SND1: variants seen among roughly 807,000 people sequenced by gnomAD.
The protein encoded by SND1 is staphylococcal nuclease domain-containing protein 1.
In SND1, 38 loss-of-function variants were observed where a neutral mutation model predicts 121.7. That is an observed-to-expected ratio of 0.31 (90% CI 0.24 to 0.41). The LOEUF is 0.41. Ranked by LOEUF, SND1 falls within the 10% of genes least tolerant of loss-of-function variation. The pLI, the probability that SND1 is intolerant of heterozygous loss-of-function variation, is 1.00. For synonymous variants in SND1, 401 were observed against 447.4 expected (o/e 0.90, Z 1.31); for missense variants, 868 against 1,184.6 (o/e 0.73, Z 3.92).
chr7:128,071,439 C>A (rs1291583233), intron 16 of SND1, among the ~76,000 whole-genome samples: 1 of 152,168 alleles, frequency 6.6e-6, no homozygotes, highest in East Asian at 1.9e-4. Context: ...ATCTCTGTGT[C>A]TATCTTTTAA....
chr7:127,753,283 GA>G (rs915586903), intron 10 of SND1, among the ~76,000 whole-genome samples: 7 of 152,084 alleles, frequency 4.6e-5, no homozygotes, highest in African/African-American at 1.7e-4. Flanking sequence ...GATCTGAATG[GA>G]AATTTTTACC....
intron 15 of SND1, among the ~76,000 whole-genome samples, chr7:127,938,976 A>G (rs550235964): frequency 2.0e-5 from 3 of 152,334 alleles, no homozygotes; most frequent in Admixed American, 6.5e-5. Flanking sequence ...AATTGTGTCT[A>G]CTGGAGTAAA....
At chr7:127,958,007 G>A (rs548923544) in intron 15 of SND1, among the ~76,000 whole-genome samples, 2 of 152,260 alleles carry the variant, frequency 1.3e-5, no homozygotes, top group Admixed American at 6.5e-5. Context: ...CAGCCTAGCC[G>A]CAGTTAATTG....
intron 16 of SND1, among the ~76,000 whole-genome samples, chr7:128,020,800 C>T (rs2116963235): frequency 6.6e-6 from 1 of 152,222 alleles, no homozygotes; most frequent in East Asian, 1.9e-4. Flanking sequence ...CAGAATGGGC[C>T]AATGCCTTAT....
intron 16 of SND1, among the ~76,000 whole-genome samples, chr7:128,032,444 A>C (rs954002195): frequency 2.0e-5 from 3 of 151,226 alleles, no homozygotes; most frequent in African/African-American, 7.3e-5. Flanking sequence ...AGGCGTTCGC[A>C]GCTATTTTGG....
intron 10 of SND1, among the ~76,000 whole-genome samples, chr7:127,752,469 C>A (rs902306145): frequency 6.6e-6 from 1 of 152,200 alleles, no homozygotes; most frequent in Admixed American, 6.5e-5. Flanking sequence ...GGACAGGCTG[C>A]CCATCTGGAC....
chr7:127,812,949 A>G (rs1798359993), intron 11 of SND1, among the ~76,000 whole-genome samples: 1 of 152,168 alleles, frequency 6.6e-6, no homozygotes, highest in African/African-American at 2.4e-5. Flanking sequence ...TTCACCTCAT[A>G]TTAATTTGAT....
chr7:127,816,482 T>C (rs972504168), intron 11 of SND1, among the ~76,000 whole-genome samples: 1 of 152,154 alleles, frequency 6.6e-6, no homozygotes, highest in Non-Finnish European at 1.5e-5. Flanking sequence ...TCTTCTGGCT[T>C]CAACAAGTGG....
intron 2 of SND1, among the ~76,000 whole-genome samples, chr7:127,693,266 G>A (rs1384604516): frequency 6.6e-6 from 1 of 152,090 alleles, no homozygotes; most frequent in East Asian, 1.9e-4. Context: ...TTTTATTTTT[G>A]GAGATTGGGG....
chr7:127,890,168 C>T (rs1384247973), intron 13 of SND1, among the ~76,000 whole-genome samples: 1 of 152,130 alleles, frequency 6.6e-6, no homozygotes, highest in African/African-American at 2.4e-5. Context: ...GCTCCCTTTT[C>T]TCCACATCCT....
intron 16 of SND1, among the ~76,000 whole-genome samples, chr7:128,062,909 G>C (rs1793254258): frequency 6.6e-6 from 1 of 152,206 alleles, no homozygotes; most frequent in Admixed American, 6.5e-5. Flanking sequence ...GAGGGCTCGA[G>C]ACCAGCACCT....
intron 15 of SND1, among the ~76,000 whole-genome samples, chr7:127,945,900 C>G (rs937764070): frequency 2.3e-4 from 35 of 152,218 alleles, no homozygotes; most frequent in Middle Eastern, 3.2e-3. Context: ...AACTCACTTA[C>G]TAAATAAATA....
At chr7:127,834,252 A>AT (rs1798824510) in intron 11 of SND1, among the ~76,000 whole-genome samples, 1 of 152,112 alleles carries the variant, frequency 6.6e-6, no homozygotes, top group Non-Finnish European at 1.5e-5. Flanking sequence ...TCTATTTTTA[A>AT]TTTTTTTGGA....
chr7:127,704,240 T>A (rs1272569044), intron 7 of SND1, among the ~76,000 whole-genome samples: 1 of 152,240 alleles, frequency 6.6e-6, no homozygotes, highest in African/African-American at 2.4e-5. Context: ...CTACTTACTC[T>A]TTGGCTAGAT....
chr7:127,711,116 G>C (rs913102563), intron 9 of SND1, among the ~76,000 whole-genome samples: 5 of 152,098 alleles, frequency 3.3e-5, no homozygotes, highest in Admixed American at 2.6e-4. Flanking sequence ...CATCAATCTG[G>C]ACTGGTTTCT....
At chr7:128,049,274 T>G (rs1173122827) in intron 16 of SND1, among the ~76,000 whole-genome samples, 1 of 152,178 alleles carries the variant, frequency 6.6e-6, no homozygotes, top group Non-Finnish European at 1.5e-5. Context: ...CTCTGTCAAG[T>G]GCCCCAGAAG....
intron 8 of SND1, among the ~76,000 whole-genome samples, chr7:127,706,952 T>C (rs982525110): frequency 6.6e-6 from 1 of 152,238 alleles, no homozygotes; most frequent in African/African-American, 2.4e-5. Flanking sequence ...AGCTGTTCAT[T>C]GATTTTTTTT....
At chr7:127,876,990 C>G (rs1027250532) in intron 12 of SND1, among the ~76,000 whole-genome samples, 2 of 152,122 alleles carry the variant, frequency 1.3e-5, no homozygotes, top group Admixed American at 1.3e-4. Context: ...TTTATTACCG[C>G]TTATATTTAA....
At chr7:127,771,464 A>G (rs934072557) in intron 10 of SND1, among the ~76,000 whole-genome samples, 1 of 152,218 alleles carries the variant, frequency 6.6e-6, no homozygotes, top group African/African-American at 2.4e-5. Flanking sequence ...GATTATGCTT[A>G]ATATGAATCA....
Sources: allele counts gnomAD v4.1 joint callset (sites outside exome capture counted in the v4.1 genomes callset), GRCh38; gene constraint gnomAD v4.1.1; transcripts MANE v1.5; gene names NCBI Gene and HGNC (gene_info 2026-07-23, HGNC 2026-07-21).